The following CFAP221 variants were observed in gnomAD, a reference collection of about 807,000 sequenced individuals.
The protein encoded by CFAP221 is cilia and flagella associated protein 221.
CFAP221 carries 97 observed loss-of-function variants against 113.1 expected under a neutral mutation model. The observed-to-expected ratio is 0.86, with a 90% CI of 0.73 to 1.02. The LOEUF (loss-of-function observed/expected upper bound fraction) is 1.02, where lower values mean the gene tolerates loss of function less well. CFAP221 is among the 50% of genes least tolerant of loss of function. The pLI, the probability that CFAP221 is intolerant of heterozygous loss-of-function variation, is 0.00. For missense variants in CFAP221, 1,025 were observed against 1,013.4 expected, an observed-to-expected ratio of 1.01 and a Z score of -0.16; for synonymous variants, 331 against 354.4, an observed-to-expected ratio of 0.93 and a Z score of 0.74.
Position 119,549,077 on chromosome 2 carries a change from T to G in CFAP221, c.140-8T>G. ...CTCATGATGTGCTTATCTACATTGTTTTTATAGAGGTTTATGCAAAACTTG... is the reference window on the plus strand; with the variant it reads ...CTCATGATGTGCTTATCTACATTGTGTTTATAGAGGTTTATGCAAAACTTG... On this transcript the variant is annotated splice_polypyrimidine_tract_variant and splice_region_variant and intron_variant, in intron 2 of 23. Coordinates refer to ENST00000413369, the MANE Select transcript of CFAP221 (RefSeq NM_001271049.2). The G allele has an allele frequency of 6.6e-7, 1 of 1,507,892 alleles. No homozygotes were observed. The highest frequency in any genetic ancestry group is 8.8e-7 in the Non-Finnish European group (1 of 1,132,234). 93.4% of individuals were successfully genotyped at this position (1,507,892 alleles called of 1,614,324 possible). A position where few individuals can be genotyped will look rare whatever the true frequency, so the allele number is the denominator to read the frequency against.
At chr2:119,594,363 G>A (rs1013473143) in intron 7 of CFAP221, among the ~76,000 whole-genome samples, 6 of 152,024 alleles carry the variant, frequency 3.9e-5, no homozygotes, top group African/African-American at 1.5e-4. Context: ...AGCCCCCTGA[G>A]TAGCTGAGAC....
At chr2:119,547,188 A>G (rs984301622) in intron 2 of CFAP221, among the ~76,000 whole-genome samples, 1 of 152,206 alleles carries the variant, frequency 6.6e-6, no homozygotes, top group Non-Finnish European at 1.5e-5. Context: ...ATACTTGACC[A>G]TTTCTGGGCA....
intron 2 of CFAP221, among the ~76,000 whole-genome samples, chr2:119,548,354 A>G (rs910564662): frequency 7.2e-5 from 11 of 152,246 alleles, no homozygotes; most frequent in Middle Eastern, 3.4e-3. Context: ...ACCTACCTCA[A>G]AGGGCTGGAG....
chr2:119,559,905 A>G (rs1681106174), intron 4 of CFAP221, 23 bp from the exon 5 acceptor site: 2 of 1,528,086 alleles, frequency 1.3e-6, no homozygotes, highest in Non-Finnish European at 1.8e-6. Context: ...GCTTGTCCCA[A>G]CAAGATGCCA....
In CFAP221 at chr2:119,604,773, C is replaced by G. The variant is rs370833302; in HGVS notation, c.893C>G (p.Pro298Arg). Residue 298 changes from proline to arginine, a missense_variant, in exon 9 of 24, where the codon CCG (proline) becomes CGG (arginine). Physicochemically the swap from Pro to Arg is moderately radical, Grantham distance 103. Transcript: ENST00000413369. ...AATTTTCACCGACCGCCAGCGAAGCCGAAGCCTCAGAAGGTGAAGGTACGG... is the reference window on the plus strand; with the variant it reads ...AATTTTCACCGACCGCCAGCGAAGCGGAAGCCTCAGAAGGTGAAGGTACGG... ...HINFHRPPAKPKPQKVKEIEY... is the reference protein window; with the variant it reads ...HINFHRPPAKRKPQKVKEIEY... 1.9e-6 allele frequency: 3 copies of G among 1,543,180 alleles called. No individual in the cohort carries two copies. The highest frequency in any genetic ancestry group is 2.8e-5 in the African/African-American group (2 of 71,760).
rs528078755 is a variant in CFAP221, at chr2:119,546,143, G to A, written c.12G>A (p.Val4=). 1.3e-6 allele frequency: 2 copies of A among 1,528,906 alleles called. No homozygotes were observed. Among genetic ancestry groups the A allele is most frequent in the South Asian group, 1.2e-5 (1 of 82,020 alleles). The allele number at this position is 1,528,906 out of a possible 1,614,324, so 94.7% of individuals were successfully genotyped here. Residue 4 remains valine (V), a synonymous_variant, in exon 2 of 24, where the codon GTG becomes GTA. Coordinates refer to ENST00000413369, the MANE Select transcript of CFAP221 (RefSeq NM_001271049.2). The stretch of plus-strand genomic sequence containing the variant: ...TTTTTCATGATAAAATGGCAGTGGT[G>A]AAAACCCCCAGCAGAGGACTAAAGA... MAV[V]KTPSRGLKNA...
chr2:119,604,541 G>T lies in CFAP221; in HGVS notation c.792-131G>T, dbSNP rs191596365. ...ATTTATTTTAGTAGACCACTGTTGG[G>T]GCACACATTTATTTTCAGTTTAGGT... On this transcript the variant is annotated intron_variant, in intron 8 of 23. Transcript: ENST00000413369. 1.5e-3 allele frequency: 1,161 copies of T among 797,164 alleles called. 12 individuals are homozygous for T. The Middle Eastern group carries it at 0.016, about 11-fold the overall frequency. 49.4% of individuals were successfully genotyped at this position (797,164 alleles called of 1,614,324 possible).
chr2:119,637,771 T>A lies in CFAP221; in HGVS notation c.1975-488T>A, dbSNP rs1687207560. On this transcript the variant is annotated intron_variant, in intron 19 of 23. Transcript: ENST00000413369. ...TGGAGCCTTCCTGAATCAAACACAT[T>A]ACCAAAACAATGTTAAATGTTGACA... 2.0e-5 allele frequency among the ~76,000 whole-genome samples: 3 copies of A among 152,214 alleles called. 1 individual carries two copies. Among genetic ancestry groups the A allele is most frequent in the Admixed American group, 2.0e-4 (3 of 15,280 alleles).
intron 3 of CFAP221, among the ~76,000 whole-genome samples, chr2:119,552,935 TTC>T (rs991743923): frequency 6.6e-6 from 1 of 152,336 alleles, no homozygotes; most frequent in Admixed American, 6.5e-5. Flanking sequence ...GTTACCTTGT[TTC>T]TAATAGAGTT....
chr2:119,626,645 C>CTGGCCACTG (rs1686326029), intron 15 of CFAP221, among the ~76,000 whole-genome samples: 1 of 152,134 alleles, frequency 6.6e-6, no homozygotes, highest in Non-Finnish European at 1.5e-5. Flanking sequence ...AATTTCCATG[C>CTGGCCACTG]TGGCCACTGT....
At chr2:119,574,711 C>T (rs1476482883) in intron 6 of CFAP221, among the ~76,000 whole-genome samples, 1 of 152,180 alleles carries the variant, frequency 6.6e-6, no homozygotes, top group African/African-American at 2.4e-5. Context: ...CATGCACACA[C>T]ACACACACTC....
chr2:119,636,103 G>T (rs1009821946), intron 19 of CFAP221, among the ~76,000 whole-genome samples: 1 of 152,152 alleles, frequency 6.6e-6, no homozygotes, highest in African/African-American at 2.4e-5. Context: ...TGGCCCAGAG[G>T]TCATGATATT....
chr2:119,579,308 C>CAT (rs953651489), intron 6 of CFAP221, among the ~76,000 whole-genome samples: 3 of 151,196 alleles, frequency 2.0e-5, no homozygotes, highest in South Asian at 4.2e-4. Flanking sequence ...TATATATATA[C>CAT]ATATATATAT....
chr2:119,610,364 G>A (rs1325684123), intron 12 of CFAP221, among the ~76,000 whole-genome samples: 1 of 152,172 alleles, frequency 6.6e-6, no homozygotes, highest in Non-Finnish European at 1.5e-5. Context: ...CAGGCATGTG[G>A]TGGAAACAAA....
chr2:119,573,408 A>T (rs550702821), intron 6 of CFAP221: 3 of 152,404 alleles, frequency 2.0e-5, no homozygotes, highest in African/African-American at 7.2e-5. Flanking sequence ...AAGGAGCAGC[A>T]GCATTTTATG....
chr2:119,624,791 G>T (rs1051435830), intron 14 of CFAP221, among the ~76,000 whole-genome samples: 2 of 152,122 alleles, frequency 1.3e-5, no homozygotes, highest in African/African-American at 2.4e-5. Context: ...AACACCGCAT[G>T]TTCTCCCTCA....
intron 8 of CFAP221, 62 bp downstream of exon 8, chr2:119,601,439 CT>C: frequency 7.4e-7 from 1 of 1,358,072 alleles, no homozygotes; most frequent in Middle Eastern, 1.8e-4. Flanking sequence ...CCAAGTCTTC[CT>C]TTCTTCCATT....
At chr2:119,641,536 G>A (rs901328295) in intron 21 of CFAP221, among the ~76,000 whole-genome samples, 1 of 152,092 alleles carries the variant, frequency 6.6e-6, no homozygotes, top group African/African-American at 2.4e-5. Context: ...TCAGTCCTTG[G>A]GCGAGCTACG....
chr2:119,617,899 A>C (rs1685636150), intron 14 of CFAP221, among the ~76,000 whole-genome samples: 1 of 152,208 alleles, frequency 6.6e-6, no homozygotes, highest in Non-Finnish European at 1.5e-5. Context: ...TTGTTCCGGC[A>C]TCAGGACCTC....
Sources: gnomAD v4.1 joint callset for allele counts (sites outside exome capture counted in the v4.1 genomes callset) on GRCh38, gnomAD v4.1.1 for gene constraint, MANE v1.5 for transcripts, NCBI Gene and HGNC (gene_info 2026-07-23, HGNC 2026-07-21) for gene names.